The following MGLL variants were observed in gnomAD, a reference collection of about 807,000 sequenced individuals.
The protein encoded by MGLL is monoglyceride lipase, also known as lysophospholipase homolog.
In MGLL, 7 loss-of-function variants were observed where a neutral mutation model predicts 29.1. The ratio of observed to expected loss-of-function variants is 0.24; its 90% confidence interval spans 0.14 to 0.45. The LOEUF is 0.45. Among genes scored for constraint, MGLL ranks in the 20% least tolerant of loss-of-function variants. The probability of loss-of-function intolerance (pLI) is 0.99; values close to 1 mark genes in which losing one functional copy is unlikely to be tolerated. For synonymous variants in MGLL, 148 were observed against 168.3 expected, an observed-to-expected ratio of 0.88 and a Z score of 0.93; for missense variants, 356 against 413.6, an observed-to-expected ratio of 0.86 and a Z score of 1.21.
intron 3 of MGLL, among the ~76,000 whole-genome samples, chr3:127,760,875 G>A (rs141940360): frequency 1.3e-5 from 2 of 152,330 alleles, no homozygotes; most frequent in Admixed American, 6.5e-5. Context: ...CCATAGGGAC[G>A]TTGCCTGCCT....
At chr3:127,778,285 C>A (rs2077068260) in intron 3 of MGLL, among the ~76,000 whole-genome samples, 1 of 152,192 alleles carries the variant, frequency 6.6e-6, no homozygotes, top group South Asian at 2.1e-4. Flanking sequence ...TTCAGAACGG[C>A]CTGTGCAGGC....
chr3:127,804,354 A>C (rs974479576), intron 2 of MGLL, among the ~76,000 whole-genome samples: 13 of 152,228 alleles, frequency 8.5e-5, no homozygotes, highest in Non-Finnish European at 1.5e-5. Flanking sequence ...ACGTCTGCTT[A>C]AAGCCATCCT....
At chr3:127,706,525 C>T (rs1348593775) in intron 6 of MGLL, among the ~76,000 whole-genome samples, 1 of 152,224 alleles carries the variant, frequency 6.6e-6, no homozygotes, top group African/African-American at 2.4e-5. Flanking sequence ...GCTGGAACAT[C>T]TACAGAGGGT....
intron 3 of MGLL, among the ~76,000 whole-genome samples, chr3:127,744,064 A>G (rs1376048318): frequency 6.6e-6 from 1 of 152,218 alleles, no homozygotes; most frequent in Non-Finnish European, 1.5e-5. Context: ...ACAGCTTGAA[A>G]AAGGTATAAA....
At chr3:127,755,026 C>T (rs994804497) in intron 3 of MGLL, among the ~76,000 whole-genome samples, 2 of 151,950 alleles carry the variant, frequency 1.3e-5, no homozygotes, top group East Asian at 1.9e-4. Flanking sequence ...TGTTTGTTTT[C>T]TCGGCATTTT....
At chr3:127,773,665 C>T (rs966521644) in intron 3 of MGLL, among the ~76,000 whole-genome samples, 3 of 152,134 alleles carry the variant, frequency 2.0e-5, no homozygotes, top group Admixed American at 6.5e-5. Context: ...GGGGGAGGGA[C>T]CCTGAGACAT....
At chr3:127,821,889 T>A in intron 1 of MGLL, 51 bp from the exon 2 acceptor site, 1 of 1,582,432 alleles carries the variant, frequency 6.3e-7, no homozygotes, top group Non-Finnish European at 8.6e-7. Context: ...CAAGAACATG[T>A]ATGGATAGGA....
chr3:127,740,209 C>G (rs967043394), intron 3 of MGLL, among the ~76,000 whole-genome samples: 2 of 152,204 alleles, frequency 1.3e-5, no homozygotes, highest in African/African-American at 4.8e-5. Flanking sequence ...CTTCACTGTC[C>G]GAAGTCACCA....
chr3:127,703,079 T>C lies in MGLL; in HGVS notation c.600+7497A>G, dbSNP rs562268970. The stretch of plus-strand genomic sequence containing the variant: ...CGGCAAATGGGGAGAGCTGTTTGCA[T>C]AGCCCCGCCCCACCACTGTCTCCTC... On this transcript the variant is annotated intron_variant, in intron 6 of 7. Coordinates refer to ENST00000265052, the MANE Select transcript of MGLL (RefSeq NM_007283.7). Among the ~76,000 whole-genome samples the C allele has an allele frequency of 1.2e-3, 185 of 152,322 alleles. 4 individuals are homozygous for C. In the South Asian group the frequency reaches 0.037, roughly 30 times the overall value.
At chr3:127,717,814 C>T (rs745578136) in intron 5 of MGLL, among the ~76,000 whole-genome samples, 3 of 152,108 alleles carry the variant, frequency 2.0e-5, no homozygotes, top group Non-Finnish European at 2.9e-5. Context: ...TGGGAAATCC[C>T]GAGGGGCACC....
chr3:127,745,527 C>T (rs1207690644), intron 3 of MGLL, among the ~76,000 whole-genome samples: 4 of 152,084 alleles, frequency 2.6e-5, no homozygotes, highest in Admixed American at 6.5e-5. Context: ...GGTGGAATGA[C>T]AGACACTGGA....
intron 3 of MGLL, among the ~76,000 whole-genome samples, chr3:127,730,370 C>T (rs1209093123): frequency 6.6e-6 from 1 of 152,164 alleles, no homozygotes; most frequent in Non-Finnish European, 1.5e-5. Flanking sequence ...CCCAGGAAGG[C>T]TTCTACTTGT....
At chr3:127,742,340 A>C (rs562316089) in intron 3 of MGLL, among the ~76,000 whole-genome samples, 1 of 152,250 alleles carries the variant, frequency 6.6e-6, no homozygotes, top group South Asian at 2.1e-4. Context: ...CTGTAACCTC[A>C]GCACTTTGGG....
intron 3 of MGLL, among the ~76,000 whole-genome samples, chr3:127,746,819 TC>T (rs2107662998): frequency 6.7e-6 from 1 of 150,266 alleles, no homozygotes; most frequent in African/African-American, 2.4e-5. Context: ...CCAATCTCCC[TC>T]CAGCCCAGTG....
chr3:127,715,150 T>A (rs1459009099), intron 5 of MGLL, among the ~76,000 whole-genome samples: 2 of 152,076 alleles, frequency 1.3e-5, no homozygotes, highest in Non-Finnish European at 2.9e-5. Context: ...GAGATTCTGA[T>A]TGTATTGGCC....
intron 5 of MGLL, among the ~76,000 whole-genome samples, chr3:127,716,771 G>C (rs3773147): frequency 0.25 from 38,454 of 152,202 alleles, 5,099 homozygotes; most frequent in Middle Eastern, 0.5. Flanking sequence ...CTGTGCGCAG[G>C]AGGCTAGGAC....
chr3:127,781,070 G>A (rs1397073353), intron 3 of MGLL, among the ~76,000 whole-genome samples: 1 of 152,130 alleles, frequency 6.6e-6, no homozygotes, highest in Admixed American at 6.5e-5. Flanking sequence ...CCTGGCCTGG[G>A]GTTGTGTGTG....
chr3:127,761,273 C>A lies in MGLL; in HGVS notation c.262+20516G>T, dbSNP rs547945712. Reference sequence around the variant, plus strand: ...TTCTGGGGTGCTGATGACCAGACTGCGTCACTTTCCAGGGCCCACTGGGCA... The same window carrying A: ...TTCTGGGGTGCTGATGACCAGACTGAGTCACTTTCCAGGGCCCACTGGGCA... On this transcript the variant is annotated intron_variant, in intron 3 of 7. Coordinates refer to ENST00000265052, the MANE Select transcript of MGLL (RefSeq NM_007283.7). This position sits in a 1 kb window ranked among gnomAD's most constrained non-coding sequence, Gnocchi z 4.6. 3.9e-5 allele frequency among the ~76,000 whole-genome samples: 6 copies of A among 152,352 alleles called. No individual in the cohort carries two copies. The highest frequency in any genetic ancestry group is 2.1e-4 in the South Asian group (1 of 4,828).
intron 6 of MGLL, among the ~76,000 whole-genome samples, chr3:127,705,406 A>T (rs2075580767): frequency 6.6e-6 from 1 of 152,074 alleles, no homozygotes; most frequent in Non-Finnish European, 1.5e-5. Context: ...AAAAAAAAAG[A>T]AAAAGAAAAA....
Sources: gnomAD v4.1 joint callset for allele counts (sites outside exome capture counted in the v4.1 genomes callset) on GRCh38, gnomAD v4.1.1 for gene constraint, Gnocchi (gnomAD v3.1) non-coding constraint, MANE v1.5 for transcripts, NCBI Gene and HGNC (gene_info 2026-07-23, HGNC 2026-07-21) for gene names.